The following FGGY variants were observed in gnomAD, a reference collection of about 807,000 sequenced individuals.
FGGY encodes FGGY carbohydrate kinase domain containing.
Under a neutral mutation model 71.3 loss-of-function variants are expected in FGGY, and 72 were observed. The observed-to-expected ratio is 1.01, with a 90% CI of 0.84 to 1.23. The LOEUF (loss-of-function observed/expected upper bound fraction) is 1.23, where lower values mean the gene tolerates loss of function less well. Among genes scored for constraint, FGGY ranks in the 50% most tolerant of loss-of-function variants. The pLI, the probability that FGGY is intolerant of heterozygous loss-of-function variation, is 0.00. For missense variants in FGGY, 668 were observed against 682.3 expected (o/e 0.98, Z 0.23); for synonymous variants, 251 against 250.3 (o/e 1.00, Z -0.02).
At chr1:59,558,865 A>G (rs2153713331) in intron 8 of FGGY, among the ~76,000 whole-genome samples, 1 of 152,188 alleles carries the variant, frequency 6.6e-6, no homozygotes, top group East Asian at 1.9e-4. Flanking sequence ...TCCCCAGGGT[A>G]TTAATTATTA....
At chr1:59,699,444 G>A in intron 14 of FGGY, 1 of 973,880 alleles carries the variant, frequency 1.0e-6, no homozygotes, top group Non-Finnish European at 1.2e-6. Context: ...AGGGGCTGTA[G>A]AGAACATTGC....
chr1:59,512,000 A>T (rs1325025189), intron 6 of FGGY, among the ~76,000 whole-genome samples: 2 of 152,208 alleles, frequency 1.3e-5, no homozygotes, highest in Non-Finnish European at 2.9e-5. Context: ...TTGAGCATTT[A>T]AACCTTGTAT....
chr1:59,722,790 T>C (rs1164387184), intron 14 of FGGY, among the ~76,000 whole-genome samples: 1 of 152,174 alleles, frequency 6.6e-6, no homozygotes, highest in African/African-American at 2.4e-5. Flanking sequence ...TCTGATTCTT[T>C]TTTTTGTTTT....
At chr1:59,758,471 A>C (rs767056221) in intron 15 of FGGY, among the ~76,000 whole-genome samples, 12 of 152,246 alleles carry the variant, frequency 7.9e-5, no homozygotes, top group Non-Finnish European at 1.6e-4. Flanking sequence ...CAGGGGAATA[A>C]AACACAATTT....
At chr1:59,359,335 G>A (rs2054953070) in intron 4 of FGGY, among the ~76,000 whole-genome samples, 1 of 152,138 alleles carries the variant, frequency 6.6e-6, no homozygotes, top group South Asian at 2.1e-4. Context: ...CGTTATCAAA[G>A]TTATTAAAAG....
intron 6 of FGGY, among the ~76,000 whole-genome samples, chr1:59,507,068 G>C (rs538756128): frequency 6.6e-6 from 1 of 152,320 alleles, no homozygotes; most frequent in East Asian, 1.9e-4. Flanking sequence ...TCCCCAACCA[G>C]AATAGGTTCA....
chr1:59,505,256 T>G lies in FGGY; in HGVS notation c.671-7055T>G, dbSNP rs374782028. ...TAGTGTCGACTAGAAAGTAAGCTAC[T>G]TGAGCGTAGGGGCCTTAACTATCTT... On this transcript the variant is annotated intron_variant, in intron 6 of 15. Transcript: ENST00000303721. Among the ~76,000 whole-genome samples, 211 of 152,346 alleles carry G rather than the reference T, an allele frequency of 1.4e-3. 3 individuals are homozygous for G. Among genetic ancestry groups the G allele is most frequent in the African/African-American group, 5.0e-3 (207 of 41,574 alleles).
chr1:59,625,919 T>C (rs1197687812), intron 9 of FGGY, 69 bp from the exon 10 acceptor site: 31 of 1,196,252 alleles, frequency 2.6e-5, no homozygotes, highest in Non-Finnish European at 3.5e-5. Flanking sequence ...CTCATTTTAA[T>C]ATAAATTTTT....
chr1:59,341,020 C>T (rs1008342194), intron 3 of FGGY, among the ~76,000 whole-genome samples: 2 of 152,258 alleles, frequency 1.3e-5, no homozygotes, highest in East Asian at 1.9e-4. Flanking sequence ...GTTAGAGAAC[C>T]CTTGATTCTG....
At chr1:59,673,842 G>A in intron 13 of FGGY, 197 bp from the exon 14 acceptor site, 1 of 548,454 alleles carries the variant, frequency 1.8e-6, no homozygotes, top group Non-Finnish European at 3.3e-6. Flanking sequence ...CTTGGCTACT[G>A]CACCAGCAGG....
At chr1:59,690,250 T>C (rs984452578) in intron 14 of FGGY, among the ~76,000 whole-genome samples, 3 of 152,128 alleles carry the variant, frequency 2.0e-5, no homozygotes, top group Non-Finnish European at 1.5e-5. Flanking sequence ...AGGGGATTCA[T>C]TTAGTATGCC....
intron 7 of FGGY, among the ~76,000 whole-genome samples, chr1:59,515,196 G>A (rs2094611257): frequency 6.6e-6 from 1 of 152,160 alleles, no homozygotes; most frequent in Non-Finnish European, 1.5e-5. Flanking sequence ...TGGAGTCAAA[G>A]GAGGTCATTT....
rs573663431 is a variant in FGGY at position 59,627,788 on chromosome 1, A to T, written c.1073+1739A>T. ...TTACTCAACAAGGAATTGTCAAGGTACATTGGAACCAACTTTAAGAATCTC... is the reference window on the plus strand; with the variant it reads ...TTACTCAACAAGGAATTGTCAAGGTTCATTGGAACCAACTTTAAGAATCTC... On this transcript the variant is annotated intron_variant, in intron 10 of 15. Transcript: ENST00000303721. 2.0e-5 allele frequency among the ~76,000 whole-genome samples: 3 copies of T among 152,258 alleles called. No homozygotes were observed. In the South Asian group the frequency reaches 6.2e-4, roughly 32 times the overall value.
At chr1:59,560,788 AGT>A (rs1357505762) in intron 8 of FGGY, among the ~76,000 whole-genome samples, 2 of 152,092 alleles carry the variant, frequency 1.3e-5, no homozygotes, top group East Asian at 3.9e-4. Flanking sequence ...GCATGGCTGG[AGT>A]GTGGTGGAAG....
intron 5 of FGGY, among the ~76,000 whole-genome samples, chr1:59,441,285 G>T (rs556931835): frequency 6.6e-6 from 1 of 152,126 alleles, no homozygotes; most frequent in African/African-American, 2.4e-5. Flanking sequence ...ATTCTAAGTG[G>T]TTTTGCTTCT....
chr1:59,488,560 A>G (rs1479275036), intron 6 of FGGY, among the ~76,000 whole-genome samples: 1 of 148,250 alleles, frequency 6.7e-6, no homozygotes, highest in Non-Finnish European at 1.5e-5. Flanking sequence ...TATATATATT[A>G]TATGTATCTA....
chr1:59,363,405 G>A (rs1014134244), intron 4 of FGGY, among the ~76,000 whole-genome samples: 16 of 152,224 alleles, frequency 1.1e-4, no homozygotes, highest in African/African-American at 3.9e-4. Flanking sequence ...GCCAGGTGCT[G>A]TAAACAGATT....
chr1:59,759,822 T>C (rs2098327278), intron 15 of FGGY, among the ~76,000 whole-genome samples: 2 of 152,260 alleles, frequency 1.3e-5, no homozygotes, highest in African/African-American at 4.8e-5. Flanking sequence ...ATTCAGCTGA[T>C]TTTAAAATTC....
chr1:59,533,434 G>T (rs1021180360), intron 7 of FGGY, among the ~76,000 whole-genome samples: 9 of 152,220 alleles, frequency 5.9e-5, no homozygotes, highest in Non-Finnish European at 7.3e-5. Flanking sequence ...AGGGGCGCCC[G>T]CCATTGCCCA....
Sources: gnomAD v4.1 joint callset for allele counts (sites outside exome capture counted in the v4.1 genomes callset) on GRCh38, gnomAD v4.1.1 for gene constraint, MANE v1.5 for transcripts, NCBI Gene and HGNC (gene_info 2026-07-23, HGNC 2026-07-21) for gene names.